Variants in TBX1 observed in about 807,000 individuals in gnomAD.
TBX1 encodes the protein T-box transcription factor TBX1.
A neutral mutation model predicts 40.8 loss-of-function variants in TBX1; 16 were observed. The ratio of observed to expected loss-of-function variants is 0.39; its 90% CI spans 0.27 to 0.60. TBX1 has a LOEUF of 0.60. TBX1 is among the 20% of genes least tolerant of loss of function. TBX1 has a pLI of 0.51. For missense variants in TBX1, 755 were observed against 728.5 expected (o/e 1.04, Z -0.42); for synonymous variants, 403 against 336.8 (o/e 1.20, Z -2.15).
At chr22:19,780,291 CT>C (rs1937126723), downstream of TBX1, among the ~76,000 whole-genome samples, 1 of 152,196 alleles carries the variant, frequency 6.6e-6, no homozygotes, top group African/African-American at 2.4e-5. Context: ...TTCCCCTCCC[CT>C]GGCAGCCAGC....
At chr22:19,782,880 G>A, downstream of TBX1, 4 of 1,614,152 alleles carry the variant, frequency 2.5e-6, no homozygotes, top group Non-Finnish European at 3.4e-6. Flanking sequence ...TCCACCCAGT[G>A]TAGGGATCTG....
rs1936864763 is a variant in TBX1, at chr22:19,766,701, T to C, written c.1349T>C (p.Leu450Pro). The change falls in exon 7 of 7, where the codon CTG (leucine) becomes CCG (proline). Residue 450 changes from leucine to proline, a missense_variant. Leu to Pro is a moderately conservative substitution (Grantham distance 98). This residue lies in a region of TBX1 where 412 missense variants were observed against 317.6 expected (regional missense o/e 1.30). Coordinates refer to ENST00000649276, the MANE Select transcript of TBX1 (RefSeq NM_001379200.1). Reference protein sequence around the residue: ...SRPAPYPLPGLRGHGYHPHAH... With the variant: ...SRPAPYPLPGPRGHGYHPHAH... ...CCGGCGCCCTACCCGCTGCCCGGCC[T>C]GCGTGGCCACGGCTACCACCCGCAC... is the stretch of plus-strand genomic sequence containing the variant. The C allele has an allele frequency of 6.5e-7, 1 of 1,545,920 alleles. No homozygotes were observed. The highest frequency in any genetic ancestry group is 8.7e-7 in the Non-Finnish European group (1 of 1,154,896).
Position 19,778,981 on chromosome 22 carries a change from T to C in TBX1, c.1010-239T>C, listed in dbSNP as rs59163998. On this transcript the variant is annotated intron_variant, in intron 8 of 8. Transcript: ENST00000329705. The stretch of plus-strand genomic sequence containing the variant: ...TGGTTCCCTGATCCGACGTCTTTCC[T>C]TGGGGTCACTGACTGTGGGAAAGGC... Among the ~76,000 whole-genome samples the C allele has an allele frequency of 4.5e-3, 688 of 152,286 alleles. 7 individuals are homozygous for C. The highest frequency in any genetic ancestry group is 0.015 in the African/African-American group (640 of 41,568).
At chr22:19,761,452 C>T (rs1936659327) in intron 1 of TBX1, among the ~76,000 whole-genome samples, 172 bp downstream of exon 1, 1 of 151,678 alleles carries the variant, frequency 6.6e-6, no homozygotes, top group African/African-American at 2.4e-5. Flanking sequence ...GTCCCGGCTC[C>T]GGCGACAGCC....
At chr22:19,770,327 G>A (rs1358310504), downstream of TBX1, among the ~76,000 whole-genome samples, 5 of 152,162 alleles carry the variant, frequency 3.3e-5, no homozygotes, top group East Asian at 1.9e-4. Context: ...TGCATCCCAC[G>A]GAAGGGTTCT....
intron 2 of TBX1, chr22:19,763,712 G>A: frequency 2.5e-6 from 1 of 401,218 alleles, no homozygotes; most frequent in Non-Finnish European, 4.6e-6. Context: ...GGATCCTGGA[G>A]CTGGGCCGGA....
At chr22:19,777,162 T>A (rs1009626721) in intron 8 of TBX1, among the ~76,000 whole-genome samples, 7 of 152,158 alleles carry the variant, frequency 4.6e-5, no homozygotes, top group Non-Finnish European at 4.4e-5. Flanking sequence ...CTGCACCTAT[T>A]AACTCGTCAT....
chr22:19,761,319 T>G, intron 1 of TBX1, 39 bp downstream of exon 1: 15 of 1,517,666 alleles, frequency 9.9e-6, no homozygotes, highest in Non-Finnish European at 1.3e-5. Flanking sequence ...CCTCCCCACG[T>G]GCTGCCGCCA....
downstream of TBX1, among the ~76,000 whole-genome samples, chr22:19,768,322 C>T (rs41299910): frequency 1.7e-4 from 26 of 152,366 alleles, no homozygotes; most frequent in African/African-American, 5.5e-4. Context: ...GATGTCCACC[C>T]TCGCGGACCT....
chr22:19,768,711 G>T (rs1936933288), downstream of TBX1, among the ~76,000 whole-genome samples: 1 of 152,154 alleles, frequency 6.6e-6, no homozygotes, highest in African/African-American at 2.4e-5. Flanking sequence ...TGTGCGGAGG[G>T]GCTGCCATTC....
chr22:19,770,480 T>G (rs897153297), downstream of TBX1, among the ~76,000 whole-genome samples: 2 of 152,316 alleles, frequency 1.3e-5, no homozygotes, highest in South Asian at 2.1e-4. Flanking sequence ...CCAGAGAGGC[T>G]TCTCACCCAG....
At chr22:19,757,818 G>C (rs1936520834), upstream of TBX1, among the ~76,000 whole-genome samples, 1 of 152,194 alleles carries the variant, frequency 6.6e-6, no homozygotes, top group African/African-American at 2.4e-5. Flanking sequence ...GGTCCCCTCA[G>C]TGACACTGAG....
At chr22:19,776,138 G>A (rs1225435557) in intron 8 of TBX1, among the ~76,000 whole-genome samples, 7 of 152,104 alleles carry the variant, frequency 4.6e-5, no homozygotes, top group African/African-American at 1.4e-4. Flanking sequence ...AAGTCCCAGC[G>A]GCTTCCCCAG....
intron 1 of TBX1, among the ~76,000 whole-genome samples, chr22:19,761,873 C>T (rs1419318072): frequency 6.6e-6 from 1 of 152,232 alleles, no homozygotes; most frequent in Non-Finnish European, 1.5e-5. Context: ...GGCTCTGTAT[C>T]CAGCGGCCCG....
downstream of TBX1, chr22:19,783,045 C>T (rs928850130): frequency 5.9e-6 from 5 of 847,314 alleles, no homozygotes; most frequent in Non-Finnish European, 1.0e-5. Flanking sequence ...TGGTGGTCCC[C>T]GCTGTGCCCA....
intron 3 of TBX1, 105 bp downstream of exon 3, chr22:19,764,431 C>G: frequency 6.8e-7 from 1 of 1,468,658 alleles, no homozygotes; most frequent in Non-Finnish European, 9.4e-7. Context: ...CCCGGCTGTC[C>G]CCAGGCGGCT....
upstream of TBX1, among the ~76,000 whole-genome samples, chr22:19,757,172 G>C (rs1936505904): frequency 6.6e-6 from 1 of 152,170 alleles, no homozygotes; most frequent in Non-Finnish European, 1.5e-5. Context: ...GGCCAACAGA[G>C]CCGGCTGGGT....
downstream of TBX1, chr22:19,779,631 T>A (rs190840714): frequency 1.2e-4 from 127 of 1,089,808 alleles, no homozygotes; most frequent in African/African-American, 1.8e-3. Flanking sequence ...CATTTAAACA[T>A]TGACTGTAAA....
At chr22:19,768,978 TGA>T (rs1192810268), downstream of TBX1, among the ~76,000 whole-genome samples, 3 of 135,386 alleles carry the variant, frequency 2.2e-5, no homozygotes, top group Non-Finnish European at 4.7e-5. Context: ...TTTTTTTTTT[TGA>T]GACTGAGTCG....
Sources: allele counts gnomAD v4.1 joint callset (sites outside exome capture counted in the v4.1 genomes callset), GRCh38; gene constraint gnomAD v4.1.1; regional missense constraint gnomAD v4.1.1; transcripts MANE v1.5; gene names NCBI Gene and HGNC (gene_info 2026-07-23, HGNC 2026-07-21).